RYR1: variants seen among roughly 807,000 people sequenced by gnomAD.
RYR1 encodes the protein ryanodine receptor 1, also known as central core disease of muscle.
In RYR1, 342 loss-of-function variants were observed where a neutral mutation model predicts 583.5. The ratio of observed to expected loss-of-function variants is 0.59; its 90% CI spans 0.54 to 0.64. The LOEUF (loss-of-function observed/expected upper bound fraction) is 0.64, where lower values mean the gene tolerates loss of function less well. Ranked by LOEUF, RYR1 falls within the 30% of genes least tolerant of loss-of-function variation. The pLI is 0.00. For missense variants in RYR1, 6,032 were observed against 6,917.2 expected (o/e 0.87, Z 4.54); for synonymous variants, 2,791 against 2,822.5 (o/e 0.99, Z 0.35).
chr19:38,538,080 A>T (rs985045925), intron 84 of RYR1, 120 bp downstream of exon 84: 1 of 900,482 alleles, frequency 1.1e-6, no homozygotes, highest in Non-Finnish European at 1.8e-6. Context: ...CTCTCCAGCC[A>T]GTGTCAATCC....
At chr19:38,585,874 C>T (rs1167200080) in intron 102 of RYR1, 64 bp from the exon 103 acceptor site, 2 of 1,593,460 alleles carry the variant, frequency 1.3e-6, no homozygotes, top group African/African-American at 2.7e-5. Context: ...AGGTAGGTAG[C>T]TGGAGAGGGG....
In RYR1 at chr19:38,521,800, G is replaced by A. The variant is rs563684053; in HGVS notation, c.10260-1228G>A. ...CTGCTCACTGCAAGCTCCACCTCCC[G>A]GGTTCACGCCATTCTCCTGCCTCAG... On this transcript the variant is annotated intron_variant, in intron 67 of 105. Transcript: ENST00000359596. Among the ~76,000 whole-genome samples, 7 of 147,870 alleles carry A rather than the reference G, an allele frequency of 4.7e-5. No individual in the cohort carries two copies. The East Asian group carries it at 1.0e-3, about 21-fold the overall frequency.
At chr19:38,575,858 C>T (rs561727822) in intron 96 of RYR1, 61 bp from the exon 97 acceptor site, 3 of 1,578,348 alleles carry the variant, frequency 1.9e-6, no homozygotes, top group African/African-American at 1.3e-5. Context: ...TCGTGGCTGA[C>T]AGCTCTGATC....
intron 78 of RYR1, among the ~76,000 whole-genome samples, chr19:38,533,458 A>T (rs1316938860): frequency 1.3e-5 from 2 of 152,178 alleles, no homozygotes; most frequent in Non-Finnish European, 2.9e-5. Flanking sequence ...TTAAAAATGA[A>T]TTTGTGATCC....
At chr19:38,453,119 G>T in intron 13 of RYR1, 105 bp downstream of exon 13, 1 of 1,202,608 alleles carries the variant, frequency 8.3e-7, no homozygotes, top group Non-Finnish European at 1.2e-6. Flanking sequence ...GGGACCTGGG[G>T]AAGTAGGGTC....
Position 38,565,661 on chromosome 19 carries a change from G to A in RYR1, c.13327G>A (p.Gly4443Arg). 2.2e-6 allele frequency: 3 copies of A among 1,391,642 alleles called. No homozygotes were observed. The highest frequency in any genetic ancestry group is 2.8e-6 in the Non-Finnish European group (3 of 1,083,764). 86.2% of individuals were successfully genotyped at this position (1,391,642 alleles called of 1,614,324 possible). The change falls in exon 91 of 106, where the codon GGG becomes AGG. Residue 4443 changes from glycine (G) to arginine (R), a missense_variant. Gly to Arg is a moderately radical substitution (Grantham distance 125). This residue lies in a region of RYR1 where 753 missense variants were observed against 759.6 expected (regional missense o/e 0.99). Transcript: ENST00000359596. The surrounding 1 kb of genome is among the most constrained non-coding windows in gnomAD (Gnocchi z 4.7). The part of the protein sequence containing the change: ...GADGAVAVTD[G>R]GPFRPEGAGG... ...CGACGGGGCGGTGGCCGTGACCGAT[G>A]GGGGCCCCTTCCGGCCCGAAGGGGC...
chr19:38,455,151 A>G, intron 13 of RYR1, 84 bp from the exon 14 acceptor site: 1 of 1,490,864 alleles, frequency 6.7e-7, no homozygotes. Context: ...TTGTTGAAGG[A>G]ATATGAATTC....
intron 25 of RYR1, 51 bp from the exon 26 acceptor site, chr19:38,468,915 C>T (rs1409198441): frequency 1.9e-6 from 3 of 1,591,074 alleles, no homozygotes; most frequent in African/African-American, 2.7e-5. Context: ...CTTATCTCTC[C>T]ATTTCTCTGT....
intron 17 of RYR1, 137 bp from the exon 18 acceptor site, chr19:38,457,914 C>G: frequency 1.1e-6 from 1 of 923,406 alleles, no homozygotes; most frequent in Admixed American, 1.8e-5. Flanking sequence ...TTGATTCTTC[C>G]TCCATGTCTT....
chr19:38,583,139 A>T (rs887026433), intron 101 of RYR1, among the ~76,000 whole-genome samples: 1 of 152,028 alleles, frequency 6.6e-6, no homozygotes, highest in South Asian at 2.1e-4. Context: ...TCCACTAAAA[A>T]TACAAAAATT....
rs775786870 is a variant in RYR1 at position 38,499,187 on chromosome 19, A to G, written c.6971A>G (p.Asn2324Ser). 33 of 1,613,992 alleles carry G rather than the reference A, an allele frequency of 2.0e-5. 1 individual carries two copies. In the South Asian group the frequency reaches 3.6e-4, roughly 18 times the overall value. Reference protein sequence around the residue: ...VAKGYPDIGWNPCGGERYLDF... With the variant: ...VAKGYPDIGWSPCGGERYLDF... Reference sequence around the variant, plus strand: ...AAAGGGTACCCAGACATTGGCTGGAACCCCTGTGGTGGAGAGCGCTACCTG... The same window carrying G: ...AAAGGGTACCCAGACATTGGCTGGAGCCCCTGTGGTGGAGAGCGCTACCTG... The change falls in exon 43 of 106, where the codon AAC becomes AGC. Residue 2324 changes from asparagine (N) to serine (S), a missense_variant. Around this residue, in one of 11 missense-constraint regions of RYR1, gnomAD observed 2,627 missense variants for 2,961.3 expected, o/e 0.89. Transcript: ENST00000359596. This position sits in a 1 kb window ranked among gnomAD's most constrained non-coding sequence, Gnocchi z 7.3.
intron 90 of RYR1, among the ~76,000 whole-genome samples, chr19:38,563,507 C>G (rs891572381): frequency 6.6e-6 from 1 of 152,194 alleles, no homozygotes; most frequent in Non-Finnish European, 1.5e-5. Context: ...TCAGGTGATC[C>G]GCCCGCCTCG....
intron 16 of RYR1, among the ~76,000 whole-genome samples, chr19:38,456,306 C>G (rs1379409138): frequency 2.4e-5 from 3 of 127,020 alleles, no homozygotes; most frequent in African/African-American, 8.9e-5. Context: ...TACAGAGTCT[C>G]GCTCTGTCAC....
rs369932139 is a variant in RYR1, at chr19:38,452,946, T to G, written c.1372T>G (p.Leu458Val). Residue 458 changes from leucine (L) to valine (V), a missense_variant, in exon 13 of 106, where the codon TTG (leucine) becomes GTG (valine). Leu to Val is a conservative substitution (Grantham distance 32). Transcript: ENST00000359596. ...IIYFEPPSED[L>V]QHEEKQSKLR... ...CTACTTCGAGCCTCCCTCCGAGGAC[T>G]TGCAGCACGAGGAGAAGCAGAGCAA... 8.1e-5 allele frequency: 131 copies of G among 1,613,878 alleles called. No individual in the cohort carries two copies. Among genetic ancestry groups the G allele is most frequent in the Non-Finnish European group, 9.8e-5 (116 of 1,179,912 alleles).
intron 81 of RYR1, 35 bp downstream of exon 81, chr19:38,535,427 G>A: frequency 6.5e-7 from 1 of 1,538,532 alleles, no homozygotes; most frequent in Non-Finnish European, 9.0e-7. Context: ...GTTAAGCTGT[G>A]TTTGGTGCCA....
chr19:38,470,440 A>C (rs1187581550), intron 27 of RYR1, among the ~76,000 whole-genome samples: 2 of 145,228 alleles, frequency 1.4e-5, no homozygotes, highest in Non-Finnish European at 3.0e-5. Flanking sequence ...GTCTCATTGA[A>C]AAAAAAAAAA....
At position 38,455,536 on chromosome 19, in the gene RYR1, G is replaced by A. The variant is rs1967327642; in HGVS notation, c.1662G>A (p.Glu554=). ...DWLVSKLDRL[E]ASSGILEVLY... ...TGGTCAGCAAGCTGGATCGGCTGGA[G>A]GCCTCGTCTGGTAGGAGAACCCGGG... Residue 554 remains glutamate (E), a synonymous_variant, in exon 15 of 106, where the codon GAG becomes GAA. Transcript: ENST00000359596. 6.2e-7 allele frequency: 1 copy of A among 1,613,966 alleles called. No individual in the cohort carries two copies. The highest frequency in any genetic ancestry group is 1.7e-5 in the Admixed American group (1 of 59,972).
At chr19:38,567,024 C>A in intron 92 of RYR1, 37 bp downstream of exon 92, 1 of 1,556,620 alleles carries the variant, frequency 6.4e-7, no homozygotes, top group East Asian at 2.4e-5. Context: ...TAGCCCCTAT[C>A]ACTGCCTCCC....
rs1972312940 is a variant in RYR1 at position 38,543,891 on chromosome 19, G to A, written c.12012+16G>A. On this transcript the variant is annotated intron_variant, in intron 87 of 105. Transcript: ENST00000359596. This position sits in a 1 kb window ranked among gnomAD's most constrained non-coding sequence, Gnocchi z 4.4. Reference sequence around the variant, plus strand: ...GCTCGCTCAGGTTCGAGCCCCTCTGGTCTCCATCCACCTGCTTCCGGGCGT... The same window carrying A: ...GCTCGCTCAGGTTCGAGCCCCTCTGATCTCCATCCACCTGCTTCCGGGCGT... 1.2e-6 allele frequency: 2 copies of A among 1,610,432 alleles called. No homozygotes were observed. The highest frequency in any genetic ancestry group is 1.7e-5 in the Admixed American group (1 of 59,786).
Sources: gnomAD v4.1 joint callset for allele counts (sites outside exome capture counted in the v4.1 genomes callset) on GRCh38, gnomAD v4.1.1 for gene constraint, gnomAD v4.1.1 regional missense constraint, Gnocchi (gnomAD v3.1) non-coding constraint, MANE v1.5 for transcripts, NCBI Gene and HGNC (gene_info 2026-07-23, HGNC 2026-07-21) for gene names.